RB1: variants seen among roughly 807,000 people sequenced by gnomAD.
The protein encoded by RB1 is retinoblastoma-associated protein.
A neutral mutation model predicts 135.4 loss-of-function variants in RB1; 18 were observed. The observed-to-expected ratio is 0.13, with a 90% CI of 0.09 to 0.20. RB1 has a LOEUF of 0.20. Among genes scored for constraint, RB1 ranks in the 10% least tolerant of loss-of-function variants. The pLI is 1.00. For missense variants in RB1, 868 were observed against 1,110.0 expected, an observed-to-expected ratio of 0.78 and a Z score of 3.10; for synonymous variants, 365 against 373.2, an observed-to-expected ratio of 0.98 and a Z score of 0.25.
At chr13:48,381,189 A>C (rs1948532230) in intron 16 of RB1, 58 bp from the exon 17 acceptor site, 1 of 1,520,960 alleles carries the variant, frequency 6.6e-7, no homozygotes, top group Admixed American at 2.3e-5. Context: ...CTTCCAAAAA[A>C]ATACCTAGCT....
At chr13:48,420,177 G>T (rs975307237) in intron 17 of RB1, among the ~76,000 whole-genome samples, 6 of 152,126 alleles carry the variant, frequency 3.9e-5, no homozygotes, top group Non-Finnish European at 4.4e-5. Context: ...ACATCAAAAA[G>T]CTTATCCACC....
At chr13:48,390,183 A>G (rs1426934584) in intron 17 of RB1, among the ~76,000 whole-genome samples, 1 of 152,200 alleles carries the variant, frequency 6.6e-6, no homozygotes, top group Non-Finnish European at 1.5e-5. Flanking sequence ...CCCAAAACAA[A>G]CAAACAAAAA....
intron 17 of RB1, among the ~76,000 whole-genome samples, chr13:48,400,545 CA>C (rs1034159598): frequency 6.6e-6 from 1 of 151,946 alleles, no homozygotes; most frequent in Non-Finnish European, 1.5e-5. Flanking sequence ...TATGCTATGG[CA>C]AAAAGGGCCT....
intron 13 of RB1, among the ~76,000 whole-genome samples, chr13:48,378,299 C>T (rs1311842363): frequency 1.3e-5 from 2 of 152,048 alleles, no homozygotes; most frequent in Admixed American, 6.5e-5. Context: ...TACAGCTGTA[C>T]AAAAATATTT....
Position 48,303,971 on chromosome 13 carries a change from C to T in RB1, c.59C>T (p.Pro20Leu), listed in dbSNP as rs587778637. 1.4e-4 allele frequency: 216 copies of T among 1,503,780 alleles called. No homozygotes were observed. Among genetic ancestry groups the T allele is most frequent in the Middle Eastern group, 4.6e-4 (2 of 4,332 alleles). 93.2% of individuals were successfully genotyped at this position (1,503,780 alleles called of 1,614,324 possible). ...ACCGCCGCCGCTGCCGCCGCGGAAC[C>T]CCCGGCACCGCCGCCGCCGCCCCCT... ...AATAAAAAAE[P>L]PAPPPPPPPE... Residue 20 changes from proline to leucine, a missense_variant, in exon 1 of 27, where the codon CCC becomes CTC. Physicochemically the swap from Pro to Leu is moderately conservative, Grantham distance 98. Transcript: ENST00000267163.
intron 17 of RB1, among the ~76,000 whole-genome samples, chr13:48,439,979 C>T (rs1253726541): frequency 1.3e-5 from 2 of 151,962 alleles, no homozygotes; most frequent in Non-Finnish European, 2.9e-5. Flanking sequence ...TACATATATA[C>T]ATAAGTCTAA....
At chr13:48,336,203 A>T (rs1461600163) in intron 2 of RB1, among the ~76,000 whole-genome samples, 2 of 152,154 alleles carry the variant, frequency 1.3e-5, no homozygotes, top group African/African-American at 4.8e-5. Context: ...GCCTCATAAA[A>T]TGAATTAGGG....
In RB1 at chr13:48,318,042, G is replaced by T. The variant is rs572755671; in HGVS notation, c.264+10636G>T. The T allele has an allele frequency of 5.3e-5, 28 of 525,914 alleles. No individual in the cohort carries two copies. In the East Asian group the frequency reaches 1.2e-3, roughly 22 times the overall value. 32.6% of individuals were successfully genotyped at this position (525,914 alleles called of 1,614,324 possible). A position where few individuals can be genotyped will look rare whatever the true frequency, so the allele number is the denominator to read the frequency against. Reference sequence around the variant, plus strand: ...GACAGGGAGCCGGGGCTGGGAGCTGGGCCCTGGCATTCCCTGGGGAAATGG... The same window carrying T: ...GACAGGGAGCCGGGGCTGGGAGCTGTGCCCTGGCATTCCCTGGGGAAATGG... On this transcript the variant is annotated intron_variant, in intron 2 of 26. Transcript: ENST00000267163.
At chr13:48,445,336 C>T (rs1478221556) in intron 17 of RB1, 2 of 152,192 alleles carry the variant, frequency 1.3e-5, no homozygotes, top group African/African-American at 2.4e-5. Flanking sequence ...TATCCTAAAA[C>T]AGAGTTTCTG....
chr13:48,328,355 G>T, intron 2 of RB1: 1 of 1,551,166 alleles, frequency 6.4e-7, no homozygotes. Flanking sequence ...CAAGTTTGAT[G>T]GATATGGGTG....
At chr13:48,479,655 A>ATT (rs368203524) in intron 26 of RB1, among the ~76,000 whole-genome samples, 26 of 149,864 alleles carry the variant, frequency 1.7e-4, no homozygotes, top group East Asian at 9.8e-4. Context: ...TGGGGAGGGA[A>ATT]TTTTTTTTTT....
At chr13:48,354,157 A>T (rs1952571579) in intron 6 of RB1, among the ~76,000 whole-genome samples, 1 of 152,148 alleles carries the variant, frequency 6.6e-6, no homozygotes, top group Non-Finnish European at 1.5e-5. Context: ...CCTTGTTTGC[A>T]GCTGATACAA....
At position 48,411,837 on chromosome 13, in the gene RB1, G is replaced by A. The variant is rs115596308; in HGVS notation, c.1695+30394G>A. On this transcript the variant is annotated intron_variant, in intron 17 of 26. Coordinates refer to ENST00000267163, the MANE Select transcript of RB1 (RefSeq NM_000321.3). ...AGAACAAGTTACATTTAAAATTAGAGGAATAAAAAATCCCACTATTTCGAT... is the reference window on the plus strand; with the variant it reads ...AGAACAAGTTACATTTAAAATTAGAAGAATAAAAAATCCCACTATTTCGAT... 6.2e-7 allele frequency: 1 copy of A among 1,612,982 alleles called. No individual in the cohort carries two copies. The highest frequency in any genetic ancestry group is 1.3e-5 in the African/African-American group (1 of 74,984).
chr13:48,321,653 C>T (rs1208177534), intron 2 of RB1, among the ~76,000 whole-genome samples: 3 of 151,886 alleles, frequency 2.0e-5, no homozygotes, highest in East Asian at 3.9e-4. Flanking sequence ...GTCAGGAGTT[C>T]GAGACCAGCC....
At chr13:48,327,943 G>C (rs556513275) in intron 2 of RB1, 2 of 493,060 alleles carry the variant, frequency 4.1e-6, no homozygotes, top group South Asian at 6.4e-5. Context: ...TCATTTATTG[G>C]TGTACCACTC....
intron 19 of RB1, among the ~76,000 whole-genome samples, chr13:48,459,312 C>G (rs1262533440): frequency 6.6e-6 from 1 of 152,086 alleles, no homozygotes; most frequent in African/African-American, 2.4e-5. Flanking sequence ...CCCCAAACAC[C>G]TATTTTTTAA....
chr13:48,420,454 G>A (rs1396493683), intron 17 of RB1, among the ~76,000 whole-genome samples: 1 of 152,196 alleles, frequency 6.6e-6, no homozygotes, highest in Non-Finnish European at 1.5e-5. Flanking sequence ...AAAGCTGGAA[G>A]CATTCCCTTT....
intron 7 of RB1, among the ~76,000 whole-genome samples, chr13:48,361,745 G>T (rs114161055): frequency 6.6e-6 from 1 of 151,992 alleles, no homozygotes; most frequent in African/African-American, 2.4e-5. Context: ...TCTTTTAAAA[G>T]TTTCTCTTCC....
At chr13:48,431,319 C>A (rs1321637762) in intron 17 of RB1, among the ~76,000 whole-genome samples, 3 of 151,988 alleles carry the variant, frequency 2.0e-5, no homozygotes, top group Admixed American at 2.0e-4. Flanking sequence ...TCTTTCTTTT[C>A]TTTTTATTAT....
Sources: gnomAD v4.1 joint callset for allele counts (sites outside exome capture counted in the v4.1 genomes callset) on GRCh38, gnomAD v4.1.1 for gene constraint, MANE v1.5 for transcripts, NCBI Gene and HGNC (gene_info 2026-07-23, HGNC 2026-07-21) for gene names.